Variants in SLC35F4 observed in about 807,000 individuals in gnomAD.
SLC35F4 encodes the protein solute carrier family 35 member F4, also known as chromosome 14 open reading frame 36.
Under a neutral mutation model 44.2 loss-of-function variants are expected in SLC35F4, and 24 were observed. The observed-to-expected ratio is 0.54, with a 90% CI of 0.39 to 0.76. The LOEUF (loss-of-function observed/expected upper bound fraction) is 0.76. Among genes scored for constraint, SLC35F4 ranks in the 30% least tolerant of loss-of-function variants. The pLI is 0.00. For synonymous variants in SLC35F4, 238 were observed against 223.6 expected, an observed-to-expected ratio of 1.06 and a Z score of -0.57; for missense variants, 562 against 586.1, an observed-to-expected ratio of 0.96 and a Z score of 0.42.
intron 1 of SLC35F4, among the ~76,000 whole-genome samples, chr14:57,905,003 G>A (rs1889079610): frequency 6.6e-6 from 1 of 152,194 alleles, no homozygotes; most frequent in Non-Finnish European, 1.5e-5. Context: ...TTAGTGGTAT[G>A]TAACAATAAG....
At chr14:57,577,489 T>C (rs763696855) in intron 4 of SLC35F4, among the ~76,000 whole-genome samples, 24 of 151,654 alleles carry the variant, frequency 1.6e-4, no homozygotes, top group African/African-American at 4.6e-4. Context: ...TTCAAGGAAA[T>C]TGGAAAATAT....
intron 1 of SLC35F4, among the ~76,000 whole-genome samples, chr14:57,708,606 G>T (rs999123604): frequency 2.6e-5 from 4 of 152,174 alleles, no homozygotes; most frequent in Admixed American, 2.0e-4. Context: ...TTGGGAACTT[G>T]TAGGGTACAG....
At chr14:57,957,611 T>G (rs567879433) in intron 1 of SLC35F4, among the ~76,000 whole-genome samples, 1 of 152,182 alleles carries the variant, frequency 6.6e-6, no homozygotes, top group East Asian at 1.9e-4. Context: ...CCAGCTAAGA[T>G]CAAACAAGAT....
intron 3 of SLC35F4, among the ~76,000 whole-genome samples, chr14:57,587,254 G>C (rs540068759): frequency 6.6e-6 from 1 of 152,190 alleles, no homozygotes; most frequent in African/African-American, 2.4e-5. Context: ...ATTACCATTT[G>C]ACTCAGCAAT....
chr14:57,811,917 G>A (rs1191586825), intron 1 of SLC35F4, among the ~76,000 whole-genome samples: 1 of 152,154 alleles, frequency 6.6e-6, no homozygotes, highest in Non-Finnish European at 1.5e-5. Flanking sequence ...AGACATTTGA[G>A]GCTGCAGTGA....
chr14:57,830,708 T>C (rs1457407331), intron 1 of SLC35F4, among the ~76,000 whole-genome samples: 2 of 152,306 alleles, frequency 1.3e-5, no homozygotes, highest in Admixed American at 1.3e-4. Context: ...ATGCCTGATA[T>C]ATTCTGTAAA....
chr14:57,924,511 C>T (rs1248710048), intron 1 of SLC35F4, among the ~76,000 whole-genome samples: 2 of 151,818 alleles, frequency 1.3e-5, no homozygotes, highest in Non-Finnish European at 2.9e-5. Context: ...TGCAATGGCG[C>T]TATCTCAGCT....
intron 1 of SLC35F4, among the ~76,000 whole-genome samples, chr14:57,640,463 T>C (rs77045861): frequency 0.14 from 21,852 of 152,040 alleles, 1,879 homozygotes; most frequent in East Asian, 0.25. Flanking sequence ...ACCTCTTCAA[T>C]TGTGACTCAA....
chr14:57,720,699 G>C (rs2076062260), intron 1 of SLC35F4, among the ~76,000 whole-genome samples: 1 of 152,034 alleles, frequency 6.6e-6, no homozygotes, highest in Non-Finnish European at 1.5e-5. Flanking sequence ...ATGAGCATTT[G>C]AGTCAGTAGG....
chr14:57,982,771 A>G (rs972671382), upstream of SLC35F4, among the ~76,000 whole-genome samples: 2 of 151,748 alleles, frequency 1.3e-5, no homozygotes, highest in Admixed American at 6.6e-5. Context: ...ACGTGCCTGC[A>G]CTCTTATTTA....
At chr14:57,824,815 C>T (rs1475503108) in intron 1 of SLC35F4, among the ~76,000 whole-genome samples, 2 of 151,818 alleles carry the variant, frequency 1.3e-5, no homozygotes, top group Non-Finnish European at 2.9e-5. Context: ...GTAGATTATT[C>T]AGGGCCTTAG....
intron 1 of SLC35F4, among the ~76,000 whole-genome samples, chr14:57,751,912 T>G (rs1430342266): frequency 2.0e-5 from 3 of 149,270 alleles, no homozygotes; most frequent in Admixed American, 6.7e-5. Context: ...TAAAAAACAT[T>G]TCTCTCTCTC....
intron 1 of SLC35F4, among the ~76,000 whole-genome samples, chr14:57,743,596 CA>C (rs1191740413): frequency 6.6e-6 from 1 of 152,082 alleles, no homozygotes; most frequent in Non-Finnish European, 1.5e-5. Flanking sequence ...GCCTACCAAC[CA>C]GAAAAACTCC....
At chr14:57,851,604 A>T (rs1477072683) in intron 1 of SLC35F4, among the ~76,000 whole-genome samples, 1 of 152,180 alleles carries the variant, frequency 6.6e-6, no homozygotes, top group East Asian at 1.9e-4. Flanking sequence ...AAGCCCTAAA[A>T]TGTGTGCCAG....
At chr14:57,790,576 A>C (rs1285262175) in intron 1 of SLC35F4, among the ~76,000 whole-genome samples, 1 of 152,204 alleles carries the variant, frequency 6.6e-6, no homozygotes, top group African/African-American at 2.4e-5. Flanking sequence ...TAATTTACAG[A>C]TTCGATGCTC....
Position 57,734,085 on chromosome 14 carries a change from T to C in SLC35F4, c.103+131638A>G, listed in dbSNP as rs116563669. Among the ~76,000 whole-genome samples the C allele has an allele frequency of 4.0e-3, 606 of 152,248 alleles. 8 individuals carry two copies. Among genetic ancestry groups the C allele is most frequent in the African/African-American group, 0.013 (533 of 41,564 alleles). ...TTTCTGGAAATAAGAATCACTAAAA[T>C]TGGGGGGAAAGCTGTCTTATGAAGT... On this transcript the variant is annotated intron_variant, in intron 1 of 7. Transcript: ENST00000556826.
At chr14:57,912,269 C>A (rs1412237933) in intron 1 of SLC35F4, among the ~76,000 whole-genome samples, 1 of 151,792 alleles carries the variant, frequency 6.6e-6, no homozygotes, top group African/African-American at 2.4e-5. Context: ...CTGTTCTAAT[C>A]TTTATTATTT....
At chr14:57,644,005 T>C (rs1187490282) in intron 1 of SLC35F4, among the ~76,000 whole-genome samples, 1 of 152,222 alleles carries the variant, frequency 6.6e-6, no homozygotes, top group East Asian at 1.9e-4. Context: ...ATTTTCTTAA[T>C]CCAGTCTATC....
intron 1 of SLC35F4, among the ~76,000 whole-genome samples, chr14:57,631,898 A>G (rs1427877105): frequency 6.6e-6 from 1 of 152,132 alleles, no homozygotes; most frequent in African/African-American, 2.4e-5. Context: ...GCTTACAGAT[A>G]TAAGTAAGAA....
Sources: allele counts gnomAD v4.1 joint callset (sites outside exome capture counted in the v4.1 genomes callset), GRCh38; gene constraint gnomAD v4.1.1; transcripts MANE v1.5; gene names NCBI Gene and HGNC (gene_info 2026-07-23, HGNC 2026-07-21).